The following L3MBTL1 variants were observed in gnomAD, a reference collection of about 807,000 sequenced individuals.
L3MBTL1 encodes L3MBTL histone methyl-lysine binding protein 1, also known as lethal(3)malignant brain tumor-like protein 1.
L3MBTL1 carries 75 observed loss-of-function variants against 105.3 expected under a neutral mutation model. The ratio of observed to expected loss-of-function variants is 0.71; its 90% CI spans 0.59 to 0.86. The LOEUF (loss-of-function observed/expected upper bound fraction) is 0.86, where lower values mean the gene tolerates loss of function less well. L3MBTL1 is among the 40% of genes least tolerant of loss of function. L3MBTL1 has a pLI of 0.00. For missense variants in L3MBTL1, 1,069 were observed against 1,126.4 expected, an observed-to-expected ratio of 0.95 and a Z score of 0.73; for synonymous variants, 452 against 436.2, an observed-to-expected ratio of 1.04 and a Z score of -0.45.
intron 7 of L3MBTL1, chr20:43,523,601 A>G (rs2018852798): frequency 9.0e-6 from 2 of 221,724 alleles, no homozygotes; most frequent in Non-Finnish European, 1.9e-5. Context: ...TCCTGTGCAG[A>G]CAGTAGACTA....
chr20:43,549,855 A>G (rs1202458726), exon 19 of L3MBTL1: 1 of 152,222 alleles, frequency 6.6e-6, no homozygotes, highest in East Asian at 1.9e-4. Context: ...TTTTTCCCTT[A>G]GAAGTGGGAA....
intron 7 of L3MBTL1, among the ~76,000 whole-genome samples, chr20:43,519,162 C>A (rs1031181343): frequency 1.3e-5 from 2 of 151,536 alleles, no homozygotes; most frequent in Admixed American, 6.6e-5. Context: ...CATGGTGAAA[C>A]CCTGTCTCTG....
intron 3 of L3MBTL1, 147 bp downstream of exon 3, chr20:43,514,208 G>C (rs1568917373): frequency 1.2e-6 from 1 of 821,674 alleles, no homozygotes; most frequent in Admixed American, 2.7e-5. Context: ...AGGGACTCTC[G>C]GGGCGTGGCT....
rs765448221 is a variant in L3MBTL1 at position 43,529,337 on chromosome 20, C to T, written c.1025C>T (p.Pro342Leu). 5 of 1,613,008 alleles carry T rather than the reference C, an allele frequency of 3.1e-6. No individual in the cohort carries two copies. The South Asian group carries it at 3.3e-5, about 11-fold the overall frequency. The change falls in exon 9 of 22, where the codon CCG (proline) becomes CTG (leucine). Residue 342 changes from proline (P) to leucine (L), a missense_variant. Coordinates refer to ENST00000418998, the MANE Select transcript of L3MBTL1 (RefSeq NM_001377303.1). ...MKLEGIDPQH[P>L]SMYFILTVAE... ...TTGGAAGGCATTGACCCTCAACACC[C>T]GTCCATGTACTTCATCCTCACCGTG...
chr20:43,545,467 G>A (rs888879852), downstream of L3MBTL1, among the ~76,000 whole-genome samples: 3 of 152,088 alleles, frequency 2.0e-5, no homozygotes, highest in Admixed American at 6.5e-5. Context: ...TCAGCAAAGA[G>A]AGCTCCTCAG....
downstream of L3MBTL1, among the ~76,000 whole-genome samples, chr20:43,546,837 CT>C (rs1474564464): frequency 6.6e-6 from 1 of 152,212 alleles, no homozygotes; most frequent in African/African-American, 2.4e-5. Flanking sequence ...CATTTCACCC[CT>C]GAGGACATAA....
At chr20:43,539,723 C>T (rs1445074006) in intron 19 of L3MBTL1, 4 of 259,156 alleles carry the variant, frequency 1.5e-5, no homozygotes, top group African/African-American at 2.2e-5. Context: ...TTGGTCGTGG[C>T]CCGGAAGGAC....
At chr20:43,535,659 T>C (rs559711875) in intron 16 of L3MBTL1, among the ~76,000 whole-genome samples, 178 bp from the exon 17 acceptor site, 3 of 152,304 alleles carry the variant, frequency 2.0e-5, no homozygotes, top group African/African-American at 7.2e-5. Context: ...TAAGCCCTCC[T>C]TACCCAGAGA....
In L3MBTL1 at chr20:43,514,347, T is replaced by C. The variant is rs372352691; in HGVS notation, c.360+286T>C. 132 of 1,195,050 alleles carry C rather than the reference T, an allele frequency of 1.1e-4. 1 individual carries two copies. The highest frequency in any genetic ancestry group is 1.3e-4 in the Non-Finnish European group (118 of 885,470). 74.0% of individuals were successfully genotyped at this position (1,195,050 alleles called of 1,614,324 possible). A position where few individuals can be genotyped will look rare whatever the true frequency, so the allele number is the denominator to read the frequency against. On this transcript the variant is annotated intron_variant, in intron 3 of 21. Coordinates refer to ENST00000418998, the MANE Select transcript of L3MBTL1 (RefSeq NM_001377303.1). The stretch of plus-strand genomic sequence containing the variant: ...GGCACCCTGAGTGGGCCTGTGTTAG[T>C]TTGGGGGCGTGGCTTAGAGTGGGGT...
At position 43,529,348 on chromosome 20, in the gene L3MBTL1, T is replaced by G; in HGVS notation, c.1036T>G (p.Phe346Val). The G allele has an allele frequency of 2.5e-6, 4 of 1,612,452 alleles. No individual in the cohort carries two copies. The highest frequency in any genetic ancestry group is 3.4e-6 in the Non-Finnish European group (4 of 1,179,246). Residue 346 changes from phenylalanine to valine, a missense_variant, in exon 9 of 22, where the codon TTC becomes GTC. By Grantham distance (50) the Phe-to-Val change is conservative. Transcript: ENST00000418998. ...TGACCCTCAACACCCGTCCATGTACTTCATCCTCACCGTGGCTGAGGTGAG... is the reference window on the plus strand; with the variant it reads ...TGACCCTCAACACCCGTCCATGTACGTCATCCTCACCGTGGCTGAGGTGAG... ...GIDPQHPSMY[F>V]ILTVAEVCGY...
rs1434240515 is a variant in L3MBTL1 at position 43,528,673 on chromosome 20, G to A, written c.879G>A (p.Lys293=). 1 of 1,613,984 alleles carries A rather than the reference G, an allele frequency of 6.2e-7. No homozygotes were observed. The highest frequency in any genetic ancestry group is 8.5e-7 in the Non-Finnish European group (1 of 1,179,936). The change falls in exon 8 of 22, where the codon AAG becomes AAA. Residue 293 remains lysine (K), a synonymous_variant. Coordinates refer to ENST00000418998, the MANE Select transcript of L3MBTL1 (RefSeq NM_001377303.1). The part of the protein sequence containing the change: ...SSSQPATGEK[K]ECWSWESYLE... ...TTTCCACAGCAACAGGTGAGAAGAAGGAATGCTGGTCGTGGGAGTCCTACC... is the reference window on the plus strand; with the variant it reads ...TTTCCACAGCAACAGGTGAGAAGAAAGAATGCTGGTCGTGGGAGTCCTACC...
intron 5 of L3MBTL1, 42 bp downstream of exon 5, chr20:43,515,201 C>T: frequency 1.2e-6 from 2 of 1,614,010 alleles, no homozygotes; most frequent in Non-Finnish European, 1.7e-6. Context: ...CTACCTTCAG[C>T]CCCCAAAGCC....
rs775081513 is a variant in L3MBTL1 at position 43,540,162 on chromosome 20, G to A, written c.2185G>A (p.Asp729Asn). The change falls in exon 20 of 22, where the codon GAT (aspartate) becomes AAT (asparagine). Residue 729 changes from aspartate to asparagine, a missense_variant. By Grantham distance (23) the Asp-to-Asn change is conservative. Transcript: ENST00000418998. ...PQEDFQTLTP[D>N]VVHQSLFMSA... is the part of the protein sequence containing the mutation. ...CCTCTGCTTTCCAGCCCTCACGCCC[G>A]ATGTCGTGCACCAGTCCCTCTTCAT... The A allele has an allele frequency of 1.7e-5, 28 of 1,612,174 alleles. No homozygotes were observed. The highest frequency in any genetic ancestry group is 5.0e-5 in the Admixed American group (3 of 60,000).
At chr20:43,517,428 G>A (rs1482726365) in intron 7 of L3MBTL1, among the ~76,000 whole-genome samples, 1 of 151,822 alleles carries the variant, frequency 6.6e-6, no homozygotes, top group African/African-American at 2.4e-5. Flanking sequence ...TTAAGAAATG[G>A]AGTTTCACTC....
intron 7 of L3MBTL1, among the ~76,000 whole-genome samples, chr20:43,517,051 C>T (rs1213473152): frequency 6.6e-6 from 1 of 151,468 alleles, no homozygotes; most frequent in Non-Finnish European, 1.5e-5. Flanking sequence ...CCTGCCTAGG[C>T]TTCCCAAAGT....
Position 43,541,426 on chromosome 20 carries a change from A to T in L3MBTL1, c.*298A>T. 2.7e-6 allele frequency: 1 copy of T among 367,158 alleles called. No homozygotes were observed. The highest frequency in any genetic ancestry group is 3.3e-5 in the South Asian group (1 of 30,074). The allele number at this position is 367,158 out of a possible 1,614,324, so 22.7% of individuals were successfully genotyped here. On this transcript the variant is annotated 3_prime_UTR_variant, in exon 22 of 22. Transcript: ENST00000418998. ...AGAGCCATTGTGAGCATTGGAAATG[A>T]TGAATGAATCATACCAGAACGTCTA...
intron 1 of L3MBTL1, among the ~76,000 whole-genome samples, chr20:43,508,362 C>T (rs968780891): frequency 5.9e-5 from 9 of 152,178 alleles, no homozygotes; most frequent in Non-Finnish European, 1.3e-4. Flanking sequence ...GAACCCTGCG[C>T]TCAGGGCCGC....
intron 19 of L3MBTL1, 40 bp downstream of exon 19, chr20:43,536,498 AGTGTT>A: frequency 1.2e-6 from 2 of 1,605,280 alleles, no homozygotes; most frequent in South Asian, 2.2e-5. Context: ...TCCACCACAG[AGTGTT>A]CACAGCGAGT....
At chr20:43,540,036 C>T in intron 19 of L3MBTL1, 115 bp from the exon 20 acceptor site, 1 of 1,200,610 alleles carries the variant, frequency 8.3e-7, no homozygotes, top group Non-Finnish European at 1.2e-6. Context: ...TCAGAAGGGG[C>T]CCGGAGTCCT....
Sources: allele counts gnomAD v4.1 joint callset (sites outside exome capture counted in the v4.1 genomes callset), GRCh38; gene constraint gnomAD v4.1.1; transcripts MANE v1.5; gene names NCBI Gene and HGNC (gene_info 2026-07-23, HGNC 2026-07-21).